ZFYVE1: variants seen among roughly 807,000 people sequenced by gnomAD.
ZFYVE1 encodes the protein zinc finger FYVE domain-containing protein 1.
In ZFYVE1, 30 loss-of-function variants were observed where a neutral mutation model predicts 74.4. That is an observed-to-expected ratio of 0.40 (90% CI 0.30 to 0.55). The LOEUF (loss-of-function observed/expected upper bound fraction) is 0.55, where lower values mean the gene tolerates loss of function less well. Among genes scored for constraint, ZFYVE1 ranks in the 20% least tolerant of loss-of-function variants. ZFYVE1 has a pLI of 0.42. For synonymous variants in ZFYVE1, 335 were observed against 385.1 expected (o/e 0.87, Z 1.52); for missense variants, 703 against 1,011.6 (o/e 0.69, Z 4.14).
rs373885889 is a variant in ZFYVE1, at chr14:72,970,891, A to G, written c.2325T>C (p.Gly775=). 178 of 1,614,052 alleles carry G rather than the reference A, an allele frequency of 1.1e-4. No homozygotes were observed. The highest frequency in any genetic ancestry group is 1.4e-4 in the Non-Finnish European group (163 of 1,180,028). ...RVCFNCNKKP[G]DL ...GGAGAGGGGGCTGGGGTTAAAGGTC[A>G]CCGGGCTTTTTATTGCAGTTGAAGC... The change falls in exon 12 of 12, where the codon GGT becomes GGC. Residue 775 remains glycine, a synonymous_variant. Coordinates refer to ENST00000556143, the MANE Select transcript of ZFYVE1 (RefSeq NM_021260.4).
intron 2 of ZFYVE1, among the ~76,000 whole-genome samples, chr14:73,003,054 C>CTT (rs201185010): frequency 0.32 from 33,296 of 102,844 alleles, 6,436 homozygotes; most frequent in African/African-American, 0.37. Context: ...TTTTTCTTTT[C>CTT]TTTTTTTTTT....
chr14:72,980,151 T>C (rs1289859882), intron 5 of ZFYVE1, among the ~76,000 whole-genome samples: 1 of 152,196 alleles, frequency 6.6e-6, no homozygotes, highest in Non-Finnish European at 1.5e-5. Context: ...TCCTTAGTTC[T>C]CCCTTGCCCA....
chr14:72,978,753 T>C (rs1893246246), intron 6 of ZFYVE1, 108 bp downstream of exon 6: 3 of 850,062 alleles, frequency 3.5e-6, no homozygotes, highest in African/African-American at 1.7e-5. Flanking sequence ...TCAATTTGAA[T>C]ATCAAATACT....
intron 4 of ZFYVE1, among the ~76,000 whole-genome samples, chr14:72,983,998 A>C (rs768126750): frequency 6.6e-6 from 1 of 152,122 alleles, no homozygotes; most frequent in South Asian, 2.1e-4. Context: ...ACGTAATATC[A>C]ATGTTGAGTC....
Position 72,998,075 on chromosome 14 carries a change from C to A in ZFYVE1, c.724G>T (p.Ala242Ser), listed in dbSNP as rs1239836641. Residue 242 changes from alanine (A) to serine (S), a missense_variant, in exon 3 of 12, where the codon GCC becomes TCC. Ala to Ser is a moderately conservative substitution (Grantham distance 99). Around this residue, in one of 2 missense-constraint regions of ZFYVE1, gnomAD observed 492 missense variants for 790.0 expected, o/e 0.62. Coordinates refer to ENST00000556143, the MANE Select transcript of ZFYVE1 (RefSeq NM_021260.4). ...AVIDTEGLLG[A>S]TVNLSQRTRL... ...GTTCTCTGGCTTAGATTCACGGTGGCCCCCAGGAGCCCTTCCGTATCGATC... is the reference window on the plus strand; with the variant it reads ...GTTCTCTGGCTTAGATTCACGGTGGACCCCAGGAGCCCTTCCGTATCGATC... 6.2e-7 allele frequency: 1 copy of A among 1,613,902 alleles called. No homozygotes were observed. Among genetic ancestry groups the A allele is most frequent in the Non-Finnish European group, 8.5e-7 (1 of 1,180,008 alleles).
rs192449864 is a variant in ZFYVE1 at position 72,984,949 on chromosome 14, T to C, written c.1204-3054A>G. Among the ~76,000 whole-genome samples the C allele has an allele frequency of 1.9e-4, 29 of 152,352 alleles. No individual in the cohort carries two copies. The East Asian group carries it at 4.6e-3, about 24-fold the overall frequency. ...AGGTACTCAGCTAGAACTGCTGGAATAAGTGCCCAGCACCAACTCCCCTTC... is the reference window on the plus strand; with the variant it reads ...AGGTACTCAGCTAGAACTGCTGGAACAAGTGCCCAGCACCAACTCCCCTTC... On this transcript the variant is annotated intron_variant, in intron 4 of 11. Transcript: ENST00000556143.
rs1451354980 is a variant in ZFYVE1, at chr14:72,981,753, G to A, written c.1310+36C>T. ...ACCACTCAAAGGCTCTATTCTCAAG[G>A]TATGGGGTGGGAGGTGGGGGAGCGG... On this transcript the variant is annotated intron_variant, in intron 5 of 11. Transcript: ENST00000556143. 3.8e-6 allele frequency: 6 copies of A among 1,589,492 alleles called. No homozygotes were observed. The Admixed American group carries it at 6.7e-5, about 18-fold the overall frequency.
intron 2 of ZFYVE1, among the ~76,000 whole-genome samples, chr14:73,007,142 A>G (rs1463003526): frequency 6.6e-6 from 1 of 152,168 alleles, no homozygotes; most frequent in Non-Finnish European, 1.5e-5. Flanking sequence ...GAATCATTCT[A>G]GAATGAAAGA....
chr14:72,979,748 C>G (rs545526425), intron 5 of ZFYVE1, among the ~76,000 whole-genome samples: 3 of 151,842 alleles, frequency 2.0e-5, no homozygotes, highest in Non-Finnish European at 2.9e-5. Context: ...CCAACTTGAC[C>G]AGAGAGGAAA....
chr14:72,986,100 A>G (rs1174813011), intron 4 of ZFYVE1, among the ~76,000 whole-genome samples: 5 of 152,228 alleles, frequency 3.3e-5, no homozygotes, highest in Non-Finnish European at 7.3e-5. Flanking sequence ...TAAGGTTCTT[A>G]CTGTTTCAAC....
chr14:72,998,367 G>A, intron 2 of ZFYVE1, 52 bp from the exon 3 acceptor site: 10 of 1,438,736 alleles, frequency 7.0e-6, no homozygotes, highest in Non-Finnish European at 8.3e-6. Flanking sequence ...AAAAGCACTA[G>A]AAACACCTAC....
At chr14:72,984,543 T>C (rs1567349598) in intron 4 of ZFYVE1, among the ~76,000 whole-genome samples, 3 of 150,860 alleles carry the variant, frequency 2.0e-5, no homozygotes, top group East Asian at 3.9e-4. Flanking sequence ...AAAAAAAAAA[T>C]TGAAAACATG....
chr14:72,984,100 G>A (rs1329497759), intron 4 of ZFYVE1, among the ~76,000 whole-genome samples: 1 of 152,086 alleles, frequency 6.6e-6, no homozygotes, highest in Non-Finnish European at 1.5e-5. Flanking sequence ...GGTCCTGCAG[G>A]GCTACTGCAG....
intron 2 of ZFYVE1, among the ~76,000 whole-genome samples, chr14:73,015,486 G>T (rs1205497341): frequency 6.6e-6 from 1 of 151,988 alleles, no homozygotes; most frequent in South Asian, 2.1e-4. Context: ...CCACCCCCTG[G>T]GTTCATGCAA....
chr14:72,981,445 ACT>A (rs752673203), intron 5 of ZFYVE1, among the ~76,000 whole-genome samples: 2 of 152,000 alleles, frequency 1.3e-5, no homozygotes, highest in Non-Finnish European at 2.9e-5. Flanking sequence ...GTGACTGGAA[ACT>A]CTGGTAGAAA....
intron 1 of ZFYVE1, among the ~76,000 whole-genome samples, chr14:73,026,309 CTT>C: frequency 6.6e-6 from 1 of 152,156 alleles, no homozygotes; most frequent in Admixed American, 6.6e-5. Context: ...GCTTTTGTCA[CTT>C]TGACAATTAT....
chr14:72,997,852 A>G lies in ZFYVE1; in HGVS notation c.947T>C (p.Ile316Thr), dbSNP rs1893782571. The change falls in exon 3 of 12, where the codon ATC (isoleucine) becomes ACC (threonine). Residue 316 changes from isoleucine (I) to threonine (T), a missense_variant. Around this residue, in one of 2 missense-constraint regions of ZFYVE1, gnomAD observed 492 missense variants for 790.0 expected, o/e 0.62. Transcript: ENST00000556143. The stretch of plus-strand genomic sequence containing the variant: ...GGTGTGCACGGTCTCATGGAAGATG[A>G]TAACTGCAGGGCCCAGTGTGGATAA... Reference protein sequence around the residue: ...VPLSTLGPAVIIFHETVHTQL... With the variant: ...VPLSTLGPAVTIFHETVHTQL... 4 of 1,606,034 alleles carry G rather than the reference A, an allele frequency of 2.5e-6. No individual in the cohort carries two copies. Among genetic ancestry groups the G allele is most frequent in the Non-Finnish European group, 3.4e-6 (4 of 1,173,310 alleles).
At chr14:72,974,646 T>C in intron 10 of ZFYVE1, 133 bp downstream of exon 10, 1 of 1,196,830 alleles carries the variant, frequency 8.4e-7, no homozygotes, top group East Asian at 2.5e-5. Flanking sequence ...GCTTAGAGGC[T>C]GACTGGCCAA....
intron 2 of ZFYVE1, among the ~76,000 whole-genome samples, chr14:73,021,534 C>G (rs1266744055): frequency 1.3e-5 from 2 of 152,160 alleles, no homozygotes; most frequent in Non-Finnish European, 2.9e-5. Flanking sequence ...AGATTTATGT[C>G]AATCATCTAA....
Sources: gnomAD v4.1 joint callset for allele counts (sites outside exome capture counted in the v4.1 genomes callset) on GRCh38, gnomAD v4.1.1 for gene constraint, gnomAD v4.1.1 regional missense constraint, MANE v1.5 for transcripts, NCBI Gene and HGNC (gene_info 2026-07-23, HGNC 2026-07-21) for gene names.